Variants in CHD6 observed in about 807,000 individuals in gnomAD.
CHD6 encodes chromodomain helicase DNA binding protein 6.
In CHD6, 50 loss-of-function variants were observed where a neutral mutation model predicts 276.9. The observed-to-expected ratio is 0.18, with a 90% CI of 0.14 to 0.23. The LOEUF (loss-of-function observed/expected upper bound fraction) is 0.23. CHD6 is among the 10% of genes least tolerant of loss of function. The probability of loss-of-function intolerance (pLI) is 1.00; values close to 1 mark genes in which losing one functional copy is unlikely to be tolerated. For missense variants in CHD6, 2,564 were observed against 3,365.8 expected, an observed-to-expected ratio of 0.76 and a Z score of 5.89; for synonymous variants, 1,173 against 1,229.3, an observed-to-expected ratio of 0.95 and a Z score of 0.96.
intron 3 of CHD6, among the ~76,000 whole-genome samples, chr20:41,519,038 T>C (rs1411683517): frequency 6.6e-6 from 1 of 152,132 alleles, no homozygotes; most frequent in Non-Finnish European, 1.5e-5. Flanking sequence ...TCCCAGCACT[T>C]TGGGAGGCCC....
intron 27 of CHD6, among the ~76,000 whole-genome samples, chr20:41,427,559 T>C (rs1463902345): frequency 6.6e-6 from 1 of 152,134 alleles, no homozygotes; most frequent in Non-Finnish European, 1.5e-5. Flanking sequence ...ACAGGTAATC[T>C]GATTTGAGAG....
intron 20 of CHD6, among the ~76,000 whole-genome samples, chr20:41,453,520 T>C (rs999286964): frequency 2.6e-5 from 4 of 152,104 alleles, no homozygotes; most frequent in Non-Finnish European, 4.4e-5. Context: ...CTAGTCTCCA[T>C]TGCTTCCTGC....
At chr20:41,528,381 T>C (rs921418457) in intron 3 of CHD6, among the ~76,000 whole-genome samples, 4 of 152,170 alleles carry the variant, frequency 2.6e-5, no homozygotes, top group Non-Finnish European at 5.9e-5. Context: ...CATCTGTGTA[T>C]GTCTTCTTAG....
At chr20:41,471,778 G>A (rs1369206484) in intron 17 of CHD6, among the ~76,000 whole-genome samples, 1 of 151,812 alleles carries the variant, frequency 6.6e-6, no homozygotes, top group African/African-American at 2.4e-5. Context: ...CTTGTGATCC[G>A]CCTGCCTTGG....
At chr20:41,439,141 A>C (rs1420390625) in intron 26 of CHD6, among the ~76,000 whole-genome samples, 2 of 152,156 alleles carry the variant, frequency 1.3e-5, no homozygotes, top group Non-Finnish European at 2.9e-5. Context: ...GTGGATCACA[A>C]GGTCAGGGGT....
At chr20:41,579,129 CAAAAAAAAAA>C (rs58395642) in intron 1 of CHD6, among the ~76,000 whole-genome samples, 1 of 42,824 alleles carries the variant, frequency 2.3e-5, no homozygotes, top group Non-Finnish European at 4.2e-5. Context: ...GACTCCATCT[CAAAAAAAAAA>C]AAAAAAAAAA....
chr20:41,447,381 G>A (rs1273733355), intron 24 of CHD6, among the ~76,000 whole-genome samples: 1 of 152,120 alleles, frequency 6.6e-6, no homozygotes, highest in African/African-American at 2.4e-5. Context: ...CCTCAATCTT[G>A]GAAATCTTGG....
At chr20:41,504,076 TCAA>T (rs2043909855) in intron 5 of CHD6, among the ~76,000 whole-genome samples, 1 of 25,694 alleles carries the variant, frequency 3.9e-5, no homozygotes, top group East Asian at 9.1e-4. Context: ...AGACTCTGTC[TCAA>T]AAAAAAAAAA....
intron 1 of CHD6, among the ~76,000 whole-genome samples, chr20:41,568,157 T>C (rs1181851380): frequency 6.6e-6 from 1 of 152,174 alleles, no homozygotes; most frequent in Non-Finnish European, 1.5e-5. Context: ...GATAGATAGA[T>C]ACTTCAGATA....
chr20:41,519,580 T>C (rs1448614817), intron 3 of CHD6, among the ~76,000 whole-genome samples: 7 of 152,140 alleles, frequency 4.6e-5, no homozygotes, highest in Non-Finnish European at 1.0e-4. Flanking sequence ...CAGGAAACAA[T>C]TCCCTATTTA....
rs1406322618 is a variant in CHD6, at chr20:41,447,925, G to T, written c.3730C>A (p.Leu1244Met). 1.2e-6 allele frequency: 2 copies of T among 1,612,096 alleles called. No individual in the cohort carries two copies. The highest frequency in any genetic ancestry group is 3.4e-5 in the Admixed American group (2 of 59,696). ...AATGCTTTCTCAGCTGCTTCTCCCA[G>T]TATTTCAGCTTTTAGGTAGTACAGC... is the stretch of plus-strand genomic sequence containing the variant. ...RMLYYLKAEI[L>M]GEAAEKAFEG... Residue 1244 changes from leucine to methionine, a missense_variant, in exon 24 of 37, where the codon CTG (leucine) becomes ATG (methionine). Transcript: ENST00000373233.
intron 1 of CHD6, among the ~76,000 whole-genome samples, 151 bp downstream of exon 1, chr20:41,618,189 C>T (rs1217638941): frequency 3.3e-5 from 5 of 151,098 alleles, no homozygotes; most frequent in Admixed American, 3.3e-4. Context: ...GACCCCAGCC[C>T]GGCCGGGCCT....
intron 3 of CHD6, among the ~76,000 whole-genome samples, chr20:41,528,400 C>A (rs554760852): frequency 3.3e-5 from 5 of 152,096 alleles, no homozygotes; most frequent in Non-Finnish European, 7.4e-5. Flanking sequence ...AGGCAAGTGG[C>A]TCCAATCCTC....
At chr20:41,618,053 G>A (rs921918802) in intron 1 of CHD6, among the ~76,000 whole-genome samples, 2 of 148,238 alleles carry the variant, frequency 1.3e-5, no homozygotes, top group South Asian at 2.1e-4. Context: ...TCCCAAGGAC[G>A]GCCGCCCGGC....
Position 41,491,745 on chromosome 20 carries a change from C to A in CHD6, c.1389G>T (p.Glu463Asp). The A allele has an allele frequency of 6.2e-7, 1 of 1,613,856 alleles. No homozygotes were observed. Among genetic ancestry groups the A allele is most frequent in the Non-Finnish European group, 8.5e-7 (1 of 1,179,804 alleles). The change falls in exon 11 of 37, where the codon GAG (glutamate) becomes GAT (aspartate). Residue 463 changes from glutamate to aspartate, a missense_variant. By Grantham distance (45) the Glu-to-Asp change is conservative (BLOSUM62 2). Transcript: ENST00000373233. ...REYKNSNQLR[E>D]YQLEGMNWLL... is the part of the protein sequence containing the mutation. Reference sequence around the variant, plus strand: ...GCCAGTTCATCCCTTCCAGCTGGTACTCCCGGAGCTGGTTACTGTTCTTAT... The same window carrying A: ...GCCAGTTCATCCCTTCCAGCTGGTAATCCCGGAGCTGGTTACTGTTCTTAT...
chr20:41,534,454 G>A (rs1292486833), intron 2 of CHD6, among the ~76,000 whole-genome samples: 1 of 152,098 alleles, frequency 6.6e-6, no homozygotes, highest in Non-Finnish European at 1.5e-5. Flanking sequence ...GGTAGTTACA[G>A]AGACTGTAAC....
intron 2 of CHD6, among the ~76,000 whole-genome samples, chr20:41,544,409 G>A (rs903606988): frequency 6.6e-6 from 1 of 152,146 alleles, no homozygotes; most frequent in African/African-American, 2.4e-5. Context: ...CAGGAGACGA[G>A]GCAATTCCAT....
At chr20:41,422,554 G>A (rs1453524079) in intron 30 of CHD6, among the ~76,000 whole-genome samples, 1 of 152,134 alleles carries the variant, frequency 6.6e-6, no homozygotes, top group African/African-American at 2.4e-5. Context: ...GCTGAGACAA[G>A]AGGATCTGGG....
intron 1 of CHD6, among the ~76,000 whole-genome samples, chr20:41,553,697 G>A (rs760431218): frequency 2.6e-5 from 4 of 152,192 alleles, no homozygotes; most frequent in South Asian, 2.1e-4. Flanking sequence ...TTTCATCTGC[G>A]ATTGCGTACC....
Sources: gnomAD v4.1 joint callset for allele counts (sites outside exome capture counted in the v4.1 genomes callset) on GRCh38, gnomAD v4.1.1 for gene constraint, MANE v1.5 for transcripts, NCBI Gene and HGNC (gene_info 2026-07-23, HGNC 2026-07-21) for gene names.